Variants in NR2E1 observed in about 807,000 individuals in gnomAD.
NR2E1 encodes nuclear receptor TLX.
A neutral mutation model predicts 43.6 loss-of-function variants in NR2E1; 5 were observed. That is an observed-to-expected ratio of 0.11 (90% CI 0.06 to 0.24). The LOEUF is 0.24. Among genes scored for constraint, NR2E1 ranks in the 10% least tolerant of loss-of-function variants. The pLI is 1.00. For synonymous variants in NR2E1, 191 were observed against 195.5 expected (o/e 0.98, Z 0.19); for missense variants, 287 against 496.7 (o/e 0.58, Z 4.01).
intron 2 of NR2E1, among the ~76,000 whole-genome samples, chr6:108,173,408 A>C (rs781491777): frequency 3.0e-4 from 45 of 152,234 alleles, no homozygotes; most frequent in Non-Finnish European, 4.7e-4. Flanking sequence ...CTTTGGACCC[A>C]AAAATTATCT....
Position 108,180,505 on chromosome 6 carries a change from C to T in NR2E1, c.739+86C>T. The T allele has an allele frequency of 2.1e-6, 2 of 942,506 alleles. No homozygotes were observed. The highest frequency in any genetic ancestry group is 3.5e-6 in the Non-Finnish European group (2 of 571,120). 58.4% of individuals were successfully genotyped at this position (942,506 alleles called of 1,614,324 possible). On this transcript the variant is annotated intron_variant, in intron 6 of 8. Transcript: ENST00000368986. This position sits in a 1 kb window ranked among gnomAD's most constrained non-coding sequence, Gnocchi z 5.4. ...AAAAAGAACAACATGTAAAGAATAACAAATTCCTGCTGAACAATAGAGTAT... is the reference window on the plus strand; with the variant it reads ...AAAAAGAACAACATGTAAAGAATAATAAATTCCTGCTGAACAATAGAGTAT...
At chr6:108,179,083 A>G (rs555268194) in intron 5 of NR2E1, 2 of 152,390 alleles carry the variant, frequency 1.3e-5, no homozygotes, top group African/African-American at 4.8e-5. Flanking sequence ...TTATTTCTTC[A>G]ATTCATTTCA....
chr6:108,178,335 C>T (rs1773933305), intron 5 of NR2E1, 94 bp downstream of exon 5: 2 of 1,348,278 alleles, frequency 1.5e-6, no homozygotes, highest in Admixed American at 1.7e-5. Flanking sequence ...GGGTAAACCA[C>T]CCAAGGCAGG....
At position 108,166,924 on chromosome 6, in the gene NR2E1, C is replaced by G. The variant is rs1773718716; in HGVS notation, c.25+134C>G. On this transcript the variant is annotated intron_variant, in intron 1 of 8. Transcript: ENST00000368986. This position sits in a 1 kb window ranked among gnomAD's most constrained non-coding sequence, Gnocchi z 7.2. ...AGGGATTCCAGCGGGCGTGTGCGTTCGGCCCAGACCTGTAGACCGTGAGTT... is the reference window on the plus strand; with the variant it reads ...AGGGATTCCAGCGGGCGTGTGCGTTGGGCCCAGACCTGTAGACCGTGAGTT... The G allele has an allele frequency of 2.1e-6, 2 of 941,770 alleles. No homozygotes were observed. The highest frequency in any genetic ancestry group is 5.3e-5 in the East Asian group (2 of 37,424). 58.3% of individuals were successfully genotyped at this position (941,770 alleles called of 1,614,324 possible).
intron 8 of NR2E1, among the ~76,000 whole-genome samples, chr6:108,184,861 T>A (rs1403937029): frequency 6.6e-6 from 1 of 152,268 alleles, no homozygotes; most frequent in Non-Finnish European, 1.5e-5. Flanking sequence ...TTATTATTTC[T>A]ATTAAATATT....
Position 108,187,808 on chromosome 6 carries a change from T to C in NR2E1, c.*345T>C, listed in dbSNP as rs533893002. The C allele has an allele frequency of 1.4e-3, 478 of 334,524 alleles. 7 individuals are homozygous for C. Among genetic ancestry groups the C allele is most frequent in the South Asian group, 0.012 (407 of 35,150 alleles). The allele number at this position is 334,524 out of a possible 1,614,324, so 20.7% of individuals were successfully genotyped here. A position where few individuals can be genotyped will look rare whatever the true frequency, so the allele number is the denominator to read the frequency against. ...CGATCAAAAGCTGAAACATAAGTAGTGCTTTCTCTTCCTTTTTAGCATACA... is the reference window on the plus strand; with the variant it reads ...CGATCAAAAGCTGAAACATAAGTAGCGCTTTCTCTTCCTTTTTAGCATACA... On this transcript the variant is annotated 3_prime_UTR_variant, in exon 9 of 9. Coordinates refer to ENST00000368986, the MANE Select transcript of NR2E1 (RefSeq NM_003269.5).
chr6:108,176,691 A>G lies in NR2E1; in HGVS notation c.448A>G (p.Thr150Ala), dbSNP rs377050056. 23 of 1,594,840 alleles carry G rather than the reference A, an allele frequency of 1.4e-5. No individual in the cohort carries two copies. The highest frequency in any genetic ancestry group is 1.7e-5 in the Admixed American group (1 of 58,346). ...HGLELAAVST[T>A]PERQTLVSLA... The stretch of plus-strand genomic sequence containing the variant: ...CCTGGAGCTGGCCGCGGTGTCCACC[A>G]CTCCAGAGCGGCAGACCCTCGTGAG... The change falls in exon 4 of 9, where the codon ACT becomes GCT. Residue 150 changes from threonine to alanine, a missense_variant. Thr to Ala is a moderately conservative substitution (Grantham distance 58). Transcript: ENST00000368986.
chr6:108,181,024 C>G, intron 7 of NR2E1, 68 bp downstream of exon 7: 2 of 1,532,570 alleles, frequency 1.3e-6, no homozygotes, highest in Non-Finnish European at 1.8e-6. Context: ...TCAGCCACCT[C>G]GAAGTCTGAA....
Position 108,180,524 on chromosome 6 carries a change from A to G in NR2E1, c.739+105A>G. ...GAATAACAAATTCCTGCTGAACAATAGAGTATACCTGTCATTTATAAATCT... is the reference window on the plus strand; with the variant it reads ...GAATAACAAATTCCTGCTGAACAATGGAGTATACCTGTCATTTATAAATCT... On this transcript the variant is annotated intron_variant, in intron 6 of 8. Coordinates refer to ENST00000368986, the MANE Select transcript of NR2E1 (RefSeq NM_003269.5). The surrounding 1 kb of genome is among the most constrained non-coding windows in gnomAD (Gnocchi z 5.4). 2 of 846,290 alleles carry G rather than the reference A, an allele frequency of 2.4e-6. No homozygotes were observed. The highest frequency in any genetic ancestry group is 4.1e-6 in the Non-Finnish European group (2 of 490,734). 52.4% of individuals were successfully genotyped at this position (846,290 alleles called of 1,614,324 possible).
intron 3 of NR2E1, among the ~76,000 whole-genome samples, chr6:108,175,800 A>T (rs1773887056): frequency 5.3e-5 from 8 of 152,218 alleles, no homozygotes; most frequent in Admixed American, 5.2e-4. Flanking sequence ...AGGAAGCCGG[A>T]GGGAGCGTCC....
At chr6:108,172,798 A>G (rs1369026367) in intron 2 of NR2E1, among the ~76,000 whole-genome samples, 3 of 152,220 alleles carry the variant, frequency 2.0e-5, no homozygotes, top group Non-Finnish European at 4.4e-5. Context: ...AAAACAGAAG[A>G]TATTTGCATT....
chr6:108,176,849 A>T lies in NR2E1; in HGVS notation c.495+111A>T, dbSNP rs997591661. On this transcript the variant is annotated intron_variant, in intron 4 of 8. Transcript: ENST00000368986. ...TCAGGCAAACTGGGGAGAGAACTCCAGGGTGCTTGGCGGGTCTCTGCATGG... is the reference window on the plus strand; with the variant it reads ...TCAGGCAAACTGGGGAGAGAACTCCTGGGTGCTTGGCGGGTCTCTGCATGG... 23 of 1,076,756 alleles carry T rather than the reference A, an allele frequency of 2.1e-5. No homozygotes were observed. In the African/African-American group the frequency reaches 3.4e-4, roughly 16 times the overall value. 66.7% of individuals were successfully genotyped at this position (1,076,756 alleles called of 1,614,324 possible). A position where few individuals can be genotyped will look rare whatever the true frequency, so the allele number is the denominator to read the frequency against.
chr6:108,180,816 G>A lies in NR2E1; in HGVS notation c.749G>A (p.Gly250Asp). ...CATATTTTTATTCTAGGCATGAACG[G>A]TGACAACACAGATTCCCAGAAGCTG... ...NTLLAVSGMN[G>D]DNTDSQKLNK... The change falls in exon 7 of 9, where the codon GGT becomes GAT. Residue 250 changes from glycine (G) to aspartate (D), a missense_variant. Gly to Asp is a moderately conservative substitution (Grantham distance 94, BLOSUM62 -1). Around this residue, in one of 4 missense-constraint regions of NR2E1, gnomAD observed 119 missense variants for 187.0 expected, o/e 0.64. Coordinates refer to ENST00000368986, the MANE Select transcript of NR2E1 (RefSeq NM_003269.5). The surrounding 1 kb of genome is among the most constrained non-coding windows in gnomAD (Gnocchi z 5.4). 2 of 1,613,890 alleles carry A rather than the reference G, an allele frequency of 1.2e-6. No individual in the cohort carries two copies. Among genetic ancestry groups the A allele is most frequent in the South Asian group, 1.1e-5 (1 of 91,072 alleles).
At chr6:108,182,980 C>T (rs1774017437) in intron 8 of NR2E1, among the ~76,000 whole-genome samples, 1 of 152,328 alleles carries the variant, frequency 6.6e-6, no homozygotes, top group Admixed American at 6.5e-5. Context: ...GGATTACAGG[C>T]CTGGGCCACT....
At chr6:108,182,853 G>A (rs1582449999) in intron 8 of NR2E1, among the ~76,000 whole-genome samples, 1 of 150,394 alleles carries the variant, frequency 6.6e-6, no homozygotes, top group Non-Finnish European at 1.5e-5. Flanking sequence ...CACCATGCCC[G>A]GCACACCCAG....
At chr6:108,177,692 A>G (rs1226558305) in intron 4 of NR2E1, among the ~76,000 whole-genome samples, 2 of 152,248 alleles carry the variant, frequency 1.3e-5, no homozygotes, top group African/African-American at 4.8e-5. Context: ...AAAAATACTC[A>G]TATGCATATT....
At position 108,187,304 on chromosome 6, in the gene NR2E1, T is replaced by C. The variant is rs765376051; in HGVS notation, c.999T>C (p.Tyr333=). The C allele has an allele frequency of 9.9e-6, 16 of 1,614,210 alleles. No homozygotes were observed. The highest frequency in any genetic ancestry group is 1.4e-5 in the Non-Finnish European group (16 of 1,180,038). The change falls in exon 9 of 9, where the codon TAT becomes TAC. Residue 333 remains tyrosine (Y), a synonymous_variant. Transcript: ENST00000368986. ...TTCATGGCTTCTCACATTCCAGATA[T>C]CCCACTCAACCCTGTCGCTTTGGAA... The part of the protein sequence containing the change: ...LTLNSYIHTR[Y]PTQPCRFGKL...
chr6:108,174,743 C>A, intron 2 of NR2E1, 93 bp from the exon 3 acceptor site: 1 of 1,043,090 alleles, frequency 9.6e-7, no homozygotes, highest in Non-Finnish European at 1.5e-6. Context: ...CGGGCAAGGT[C>A]GCGCCTCCAC....
intron 4 of NR2E1, 47 bp downstream of exon 4, chr6:108,176,785 G>A: frequency 1.3e-6 from 2 of 1,503,030 alleles, no homozygotes; most frequent in South Asian, 2.4e-5. Context: ...AGCGAATGGA[G>A]AGGGACGCAC....
Sources: gnomAD v4.1 joint callset for allele counts (sites outside exome capture counted in the v4.1 genomes callset) on GRCh38, gnomAD v4.1.1 for gene constraint, gnomAD v4.1.1 regional missense constraint, Gnocchi (gnomAD v3.1) non-coding constraint, MANE v1.5 for transcripts, NCBI Gene and HGNC (gene_info 2026-07-23, HGNC 2026-07-21) for gene names.